Variants in NCR2 observed in about 807,000 individuals in gnomAD.
The protein encoded by NCR2 is natural cytotoxicity triggering receptor 2.
In NCR2, 35 loss-of-function variants were observed where a neutral mutation model predicts 30.7. That is an observed-to-expected ratio of 1.14 (90% CI 0.87 to 1.51). The LOEUF (loss-of-function observed/expected upper bound fraction) is 1.51, where lower values mean the gene tolerates loss of function less well. Among genes scored for constraint, NCR2 ranks in the 40% most tolerant of loss-of-function variants. NCR2 has a pLI of 0.00. For missense variants in NCR2, 316 were observed against 328.9 expected (o/e 0.96, Z 0.30); for synonymous variants, 146 against 134.8 (o/e 1.08, Z -0.58).
At chr6:41,349,628 G>C (rs1407738303) in intron 4 of NCR2, among the ~76,000 whole-genome samples, 1 of 152,120 alleles carries the variant, frequency 6.6e-6, no homozygotes, top group East Asian at 1.9e-4. Context: ...CTTCTGAGTT[G>C]GTGAACACAT....
intron 2 of NCR2, among the ~76,000 whole-genome samples, chr6:41,337,855 T>C (rs1321924984): frequency 6.6e-6 from 1 of 152,222 alleles, no homozygotes; most frequent in East Asian, 1.9e-4. Flanking sequence ...TATCTTTCGA[T>C]GGGAAAATAT....
chr6:41,346,828 AGAGGGAGGGAGG>A (rs374481433), intron 4 of NCR2, among the ~76,000 whole-genome samples: 4 of 135,822 alleles, frequency 2.9e-5, no homozygotes, highest in African/African-American at 8.1e-5. Flanking sequence ...AGAGAGAAAG[AGAGGGAGGGAGG>A]GAGGGAGGGA....
chr6:41,340,984 C>T (rs1769153708), intron 2 of NCR2, among the ~76,000 whole-genome samples: 2 of 152,122 alleles, frequency 1.3e-5, no homozygotes, highest in African/African-American at 4.8e-5. Context: ...CCTCCCAGCC[C>T]TTTCCCCTTC....
chr6:41,342,021 C>T lies in NCR2; in HGVS notation c.531-15C>T, dbSNP rs199657369. ...CCAGCCCGTCCTCTCCCCTTCCTGT[C>T]CCTCTGCCTTCCAGGCCACAGAACT... On this transcript the variant is annotated splice_polypyrimidine_tract_variant and intron_variant, in intron 3 of 4. Coordinates refer to ENST00000373089, the MANE Select transcript of NCR2 (RefSeq NM_004828.4). The T allele has an allele frequency of 4.7e-5, 76 of 1,613,986 alleles. No homozygotes were observed. The African/African-American group carries it at 9.2e-4, about 20-fold the overall frequency.
chr6:41,348,931 T>C (rs1221375554), intron 4 of NCR2, among the ~76,000 whole-genome samples: 2 of 152,198 alleles, frequency 1.3e-5, no homozygotes, highest in East Asian at 3.9e-4. Context: ...TCTTAGAAGA[T>C]CTAATGTTCG....
At chr6:41,342,482 C>G (rs1290203762) in intron 4 of NCR2, among the ~76,000 whole-genome samples, 1 of 151,310 alleles carries the variant, frequency 6.6e-6, no homozygotes, top group African/African-American at 2.4e-5. Context: ...CATTCCACCC[C>G]CTTCCTCTCT....
At chr6:41,350,184 T>C (rs974508092) in intron 4 of NCR2, among the ~76,000 whole-genome samples, 11 of 152,206 alleles carry the variant, frequency 7.2e-5, no homozygotes, top group Admixed American at 6.5e-4. Context: ...ACAGAACTGA[T>C]AACACACATA....
intron 2 of NCR2, among the ~76,000 whole-genome samples, chr6:41,337,487 C>A (rs1769062731): frequency 6.6e-6 from 1 of 152,172 alleles, no homozygotes. Flanking sequence ...ACCCTTCAAA[C>A]AAACACCCTG....
In NCR2 at chr6:41,336,430, T is replaced by C; in HGVS notation, c.394+2T>C. ...GATTCTATCTGGTGGTATCTCCAGG[T>C]GAGCTCTTTCCCTAGGGTCCTCAGA... On this transcript the variant is annotated splice_donor_variant, in intron 2 of 4. Transcript: ENST00000373089. LOFTEE classifies it high-confidence loss of function. The C allele has an allele frequency of 1.2e-6, 2 of 1,610,094 alleles. No homozygotes were observed. The highest frequency in any genetic ancestry group is 1.3e-5 in the African/African-American group (1 of 74,930).
Position 41,336,156 on chromosome 6 carries a change from A to C in NCR2, c.122A>C (p.Gln41Pro). 9.3e-6 allele frequency: 15 copies of C among 1,614,206 alleles called. No individual in the cohort carries two copies. Among genetic ancestry groups the C allele is most frequent in the Non-Finnish European group, 1.3e-5 (15 of 1,180,040 alleles). ...GGGCAGACGCTAACCGTGAGATGCCAGTACCCGCCCACGGGCAGTCTCTAC... is the reference window on the plus strand; with the variant it reads ...GGGCAGACGCTAACCGTGAGATGCCCGTACCCGCCCACGGGCAGTCTCTAC... Reference protein sequence around the residue: ...VAGQTLTVRCQYPPTGSLYEK... With the variant: ...VAGQTLTVRCPYPPTGSLYEK... Residue 41 changes from glutamine to proline, a missense_variant, in exon 2 of 5, where the codon CAG (glutamine) becomes CCG (proline). Transcript: ENST00000373089.
At chr6:41,350,649 A>C (rs1260062641) in intron 4 of NCR2, 29 bp from the exon 5 acceptor site, 3 of 1,600,516 alleles carry the variant, frequency 1.9e-6, no homozygotes, top group Non-Finnish European at 1.7e-6. Flanking sequence ...GTCTCTGACC[A>C]CCTTCCTGGT....
At chr6:41,338,031 A>G (rs1347460858) in intron 2 of NCR2, among the ~76,000 whole-genome samples, 1 of 152,232 alleles carries the variant, frequency 6.6e-6, no homozygotes, top group African/African-American at 2.4e-5. Context: ...AATTAAGAAC[A>G]TGTCATAACA....
At chr6:41,343,733 C>T (rs993086779) in intron 4 of NCR2, among the ~76,000 whole-genome samples, 1 of 152,054 alleles carries the variant, frequency 6.6e-6, no homozygotes, top group Non-Finnish European at 1.5e-5. Context: ...CCTACCATAC[C>T]GGCTAAAACT....
intron 2 of NCR2, among the ~76,000 whole-genome samples, chr6:41,337,158 A>G (rs1380836829): frequency 6.6e-6 from 1 of 152,256 alleles, no homozygotes; most frequent in Non-Finnish European, 1.5e-5. Context: ...AAAATCTGCA[A>G]TTCACATGAG....
chr6:41,336,159 A>G lies in NCR2; in HGVS notation c.125A>G (p.Tyr42Cys), dbSNP rs754885496. ...AGQTLTVRCQ[Y>C]PPTGSLYEKK... The stretch of plus-strand genomic sequence containing the variant: ...CAGACGCTAACCGTGAGATGCCAGT[A>G]CCCGCCCACGGGCAGTCTCTACGAG... Residue 42 changes from tyrosine (Y) to cysteine (C), a missense_variant, in exon 2 of 5, where the codon TAC becomes TGC. Coordinates refer to ENST00000373089, the MANE Select transcript of NCR2 (RefSeq NM_004828.4). The G allele has an allele frequency of 6.2e-7, 1 of 1,614,096 alleles. No individual in the cohort carries two copies. Among genetic ancestry groups the G allele is most frequent in the Non-Finnish European group, 8.5e-7 (1 of 1,180,018 alleles).
intron 4 of NCR2, among the ~76,000 whole-genome samples, chr6:41,345,138 GAC>G (rs1769271957): frequency 6.6e-6 from 1 of 152,176 alleles, no homozygotes. Context: ...AGAGAGGAAA[GAC>G]AGAGGATGTG....
In NCR2 at chr6:41,345,752, T is replaced by C. The variant is rs138928501; in HGVS notation, c.644+3603T>C. ...GTAAGACCTTGTAAATCCATGACATTAGCCCCAATTCCCACTCGTCCCAAA... is the reference window on the plus strand; with the variant it reads ...GTAAGACCTTGTAAATCCATGACATCAGCCCCAATTCCCACTCGTCCCAAA... On this transcript the variant is annotated intron_variant, in intron 4 of 4. Coordinates refer to ENST00000373089, the MANE Select transcript of NCR2 (RefSeq NM_004828.4). 4.6e-5 allele frequency among the ~76,000 whole-genome samples: 7 copies of C among 152,214 alleles called. No homozygotes were observed. In the East Asian group the frequency reaches 1.4e-3, roughly 29 times the overall value.
rs1769002075 is a variant in NCR2 at position 41,335,760 on chromosome 6, G to A, written c.-117G>A. 8.5e-7 allele frequency: 1 copy of A among 1,183,026 alleles called. No individual in the cohort carries two copies. The highest frequency in any genetic ancestry group is 1.2e-6 in the Non-Finnish European group (1 of 811,954). The allele number at this position is 1,183,026 out of a possible 1,614,324, so 73.3% of individuals were successfully genotyped here. A position where few individuals can be genotyped will look rare whatever the true frequency, so the allele number is the denominator to read the frequency against. ...ATCTCCCCAACCCAGGCCTCAGCCT[G>A]TCTCATTTTTCTATCAGACGTGCTG... On this transcript the variant is annotated 5_prime_UTR_variant, in exon 1 of 5. Coordinates refer to ENST00000373089, the MANE Select transcript of NCR2 (RefSeq NM_004828.4).
chr6:41,335,945 GC>G lies in NCR2; in HGVS notation c.52+20del, dbSNP rs775788656. 1.9e-6 allele frequency: 3 copies of G among 1,571,834 alleles called. No homozygotes were observed. The South Asian group carries it at 3.5e-5, about 18-fold the overall frequency. On this transcript the variant is annotated intron_variant, in intron 1 of 4. Transcript: ENST00000373089. Reference sequence around the variant, plus strand: ...TGTTCCCAGGTGAGGGGGAGGAGGAGCCCAGGGAGCAGAGGAGATGGGTGTG... The same window carrying G: ...TGTTCCCAGGTGAGGGGGAGGAGGAGCCAGGGAGCAGAGGAGATGGGTGTG...
Sources: allele counts gnomAD v4.1 joint callset (sites outside exome capture counted in the v4.1 genomes callset), GRCh38; gene constraint gnomAD v4.1.1; transcripts MANE v1.5; gene names NCBI Gene and HGNC (gene_info 2026-07-23, HGNC 2026-07-21).